ANKFY1: variants seen among roughly 807,000 people sequenced by gnomAD.
The protein encoded by ANKFY1 is ankyrin repeat and FYVE domain containing 1, also known as ankyrin repeat and FYVE domain-containing protein 1.
Under a neutral mutation model 128.3 loss-of-function variants are expected in ANKFY1, and 47 were observed. That is an observed-to-expected ratio of 0.37 (90% CI 0.29 to 0.47). The LOEUF is 0.47. ANKFY1 is among the 20% of genes least tolerant of loss of function. The pLI is 1.00. For missense variants in ANKFY1, 1,222 were observed against 1,510.6 expected, an observed-to-expected ratio of 0.81 and a Z score of 3.17; for synonymous variants, 553 against 601.6, an observed-to-expected ratio of 0.92 and a Z score of 1.18.
intron 23 of ANKFY1, among the ~76,000 whole-genome samples, chr17:4,170,145 G>A (rs754699638): frequency 1.3e-4 from 20 of 152,216 alleles, no homozygotes; most frequent in Non-Finnish European, 1.2e-4. Flanking sequence ...CCTGTGCATC[G>A]CCATCCCATG....
At chr17:4,241,475 T>C (rs923279268) in intron 2 of ANKFY1, among the ~76,000 whole-genome samples, 15 of 150,058 alleles carry the variant, frequency 1.0e-4, no homozygotes, top group African/African-American at 3.7e-4. Context: ...AGAGACGGGG[T>C]TTCACCATGT....
intron 1 of ANKFY1, chr17:4,263,457 G>T: frequency 8.0e-7 from 1 of 1,257,828 alleles, no homozygotes; most frequent in Non-Finnish European, 1.1e-6. Flanking sequence ...GCTCGCTGCT[G>T]CCTCGCCCCC....
chr17:4,185,916 G>A (rs562168707), intron 11 of ANKFY1, among the ~76,000 whole-genome samples: 56 of 152,152 alleles, frequency 3.7e-4, no homozygotes, highest in Non-Finnish European at 6.6e-4. Flanking sequence ...CTTTAGCTCC[G>A]TCTCTGTGGC....
chr17:4,200,012 A>G (rs1375691549), intron 7 of ANKFY1, among the ~76,000 whole-genome samples: 2 of 151,876 alleles, frequency 1.3e-5, no homozygotes, highest in African/African-American at 4.8e-5. Context: ...TGCTCTCAGT[A>G]GCCTCCAGGT....
chr17:4,243,062 T>G (rs150905584), intron 1 of ANKFY1, among the ~76,000 whole-genome samples: 135 of 150,642 alleles, frequency 9.0e-4, no homozygotes, highest in African/African-American at 3.2e-3. Context: ...TTTTTTTGTT[T>G]TTTGTTTGTT....
At chr17:4,255,899 C>A (rs1359216410) in intron 1 of ANKFY1, among the ~76,000 whole-genome samples, 3 of 151,882 alleles carry the variant, frequency 2.0e-5, no homozygotes, top group African/African-American at 7.3e-5. Context: ...CTCACTGCAA[C>A]CTCCGCTTCC....
intron 20 of ANKFY1, 98 bp downstream of exon 20, chr17:4,173,811 C>T: frequency 6.8e-7 from 1 of 1,473,330 alleles, no homozygotes; most frequent in Non-Finnish European, 9.2e-7. Context: ...CCTGTAAAAG[C>T]CAACCTCCCC....
rs778462340 is a variant in ANKFY1, at chr17:4,184,906, C to T, written c.1611G>A (p.Leu537=). 3 of 1,614,096 alleles carry T rather than the reference C, an allele frequency of 1.9e-6. No homozygotes were observed. In the South Asian group the frequency reaches 3.3e-5, roughly 18 times the overall value. The change falls in exon 12 of 25, where the codon TTG becomes TTA. Residue 537 remains leucine (L), a synonymous_variant. Coordinates refer to ENST00000341657, the MANE Select transcript of ANKFY1 (RefSeq NM_001330063.2). ...LPKEAASLTS[L]ADSVHLQTPL... ...GCGTCTGCAGATGGACGCTGTCCGCCAAGCTGGTCAGGGATGCGGCCTCCT... is the reference window on the plus strand; with the variant it reads ...GCGTCTGCAGATGGACGCTGTCCGCTAAGCTGGTCAGGGATGCGGCCTCCT...
intron 22 of ANKFY1, among the ~76,000 whole-genome samples, chr17:4,171,659 C>G (rs1323762041): frequency 1.3e-5 from 2 of 152,200 alleles, no homozygotes; most frequent in African/African-American, 4.8e-5. Flanking sequence ...TTTCCCTGCT[C>G]CTGGGCAAGG....
At chr17:4,199,228 G>A (rs994069127) in intron 7 of ANKFY1, among the ~76,000 whole-genome samples, 17 of 152,174 alleles carry the variant, frequency 1.1e-4, no homozygotes, top group Admixed American at 1.1e-3. Flanking sequence ...TCTCACCCCC[G>A]CCACCCAGGC....
intron 1 of ANKFY1, among the ~76,000 whole-genome samples, chr17:4,260,082 G>A (rs1222823682): frequency 2.0e-5 from 3 of 152,174 alleles, no homozygotes; most frequent in Non-Finnish European, 4.4e-5. Context: ...GAAGTGTTAA[G>A]TGGGGCCCAC....
At chr17:4,260,401 G>T (rs1598163893) in intron 1 of ANKFY1, among the ~76,000 whole-genome samples, 2 of 152,206 alleles carry the variant, frequency 1.3e-5, no homozygotes, top group African/African-American at 4.8e-5. Flanking sequence ...TGAATGGCTT[G>T]AGCCCAGGAG....
chr17:4,214,255 T>C (rs943978100), intron 4 of ANKFY1, among the ~76,000 whole-genome samples: 5 of 152,228 alleles, frequency 3.3e-5, no homozygotes, highest in Non-Finnish European at 5.9e-5. Context: ...AAGCAGATCT[T>C]TTATTAAAGC....
chr17:4,237,195 C>T (rs1457164216), intron 2 of ANKFY1, among the ~76,000 whole-genome samples: 1 of 152,114 alleles, frequency 6.6e-6, no homozygotes, highest in East Asian at 1.9e-4. Context: ...GACAGAGACA[C>T]ATTCTACGCT....
intron 2 of ANKFY1, among the ~76,000 whole-genome samples, chr17:4,239,090 G>C (rs1277194725): frequency 1.3e-5 from 2 of 152,168 alleles, no homozygotes. Flanking sequence ...AGGGAGACTT[G>C]TTGGGAGTCC....
At chr17:4,252,325 G>A (rs1967880415) in intron 1 of ANKFY1, among the ~76,000 whole-genome samples, 1 of 152,182 alleles carries the variant, frequency 6.6e-6, no homozygotes, top group Non-Finnish European at 1.5e-5. Flanking sequence ...CCAAAAGTTT[G>A]GAAGGCTGAG....
chr17:4,194,099 A>ATTTTT, intron 10 of ANKFY1, among the ~76,000 whole-genome samples: 3 of 97,014 alleles, frequency 3.1e-5, no homozygotes, highest in African/African-American at 1.5e-4. Context: ...ATATATATAT[A>ATTTTT]TATATTTTTT....
rs1233119100 is a variant in ANKFY1 at position 4,169,550 on chromosome 17, C to T, written c.3287-262G>A. Among the ~76,000 whole-genome samples, 1 of 152,120 alleles carries T rather than the reference C, an allele frequency of 6.6e-6. No homozygotes were observed. Among genetic ancestry groups the T allele is most frequent in the Non-Finnish European group, 1.5e-5 (1 of 68,016 alleles). The stretch of plus-strand genomic sequence containing the variant: ...CAGTGTGATGTCTGTGGGGGAAACA[C>T]GTAGTCAGGGATGGCTGGGATGGAA... On this transcript the variant is annotated intron_variant, in intron 23 of 24. Transcript: ENST00000341657. The surrounding 1 kb of genome is among the most constrained non-coding windows in gnomAD (Gnocchi z 5.0).
In ANKFY1 at chr17:4,242,289, A is replaced by G; in HGVS notation, c.170T>C (p.Ile57Thr). 1 of 1,592,360 alleles carries G rather than the reference A, an allele frequency of 6.3e-7. No individual in the cohort carries two copies. Residue 57 changes from isoleucine to threonine, a missense_variant, in exon 2 of 25, where the codon ATC (isoleucine) becomes ACC (threonine). By Grantham distance (89) the Ile-to-Thr change is moderately conservative. Coordinates refer to ENST00000341657, the MANE Select transcript of ANKFY1 (RefSeq NM_001330063.2). ...SESFISRLLA[I>T]VADLYEQEQY... The stretch of plus-strand genomic sequence containing the variant: ...CTCCTGCTCGTAGAGGTCTGCCACG[A>G]TGGCCAGCAGACGGCTGATGAAGGA...
Sources: gnomAD v4.1 joint callset for allele counts (sites outside exome capture counted in the v4.1 genomes callset) on GRCh38, gnomAD v4.1.1 for gene constraint, Gnocchi (gnomAD v3.1) non-coding constraint, MANE v1.5 for transcripts, NCBI Gene and HGNC (gene_info 2026-07-23, HGNC 2026-07-21) for gene names.